CSTF3: variants seen among roughly 807,000 people sequenced by gnomAD.
CSTF3 encodes cleavage stimulation factor subunit 3, also known as CF-1 77 kDa subunit.
In CSTF3, 29 loss-of-function variants were observed where a neutral mutation model predicts 105.8. The ratio of observed to expected loss-of-function variants is 0.27; its 90% confidence interval spans 0.20 to 0.37. The LOEUF (loss-of-function observed/expected upper bound fraction) is 0.37. Ranked by LOEUF, CSTF3 falls within the 10% of genes least tolerant of loss-of-function variation. The pLI is 1.00. For synonymous variants in CSTF3, 252 were observed against 281.9 expected, an observed-to-expected ratio of 0.89 and a Z score of 1.06; for missense variants, 357 against 879.3, an observed-to-expected ratio of 0.41 and a Z score of 7.51.
intron 4 of CSTF3, 108 bp downstream of exon 4, chr11:33,108,278 A>G: frequency 9.4e-7 from 1 of 1,065,090 alleles, no homozygotes; most frequent in Non-Finnish European, 1.3e-6. Context: ...ACTTGTAAAA[A>G]ATCACTATCT....
chr11:33,152,613 C>CTATT (rs1330910908), intron 1 of CSTF3, among the ~76,000 whole-genome samples: 5 of 152,196 alleles, frequency 3.3e-5, no homozygotes, highest in African/African-American at 1.2e-4. Flanking sequence ...ACATGATGTA[C>CTATT]TATTCCAACT....
At chr11:33,142,759 A>G (rs923794344) in intron 1 of CSTF3, among the ~76,000 whole-genome samples, 9 of 152,218 alleles carry the variant, frequency 5.9e-5, no homozygotes, top group Admixed American at 5.9e-4. Context: ...AATAACTTAA[A>G]ATTCAGTAAT....
chr11:33,089,884 T>TAA (rs1456451319), intron 17 of CSTF3, among the ~76,000 whole-genome samples: 1 of 152,224 alleles, frequency 6.6e-6, no homozygotes, highest in African/African-American at 2.4e-5. Context: ...ACAGTGGTTT[T>TAA]ATCAGCAAGG....
At chr11:33,117,642 T>C (rs913379527) in intron 3 of CSTF3, among the ~76,000 whole-genome samples, 1 of 135,668 alleles carries the variant, frequency 7.4e-6, no homozygotes. Context: ...TTAACCACTA[T>C]ACTATACTGC....
At chr11:33,088,718 C>T (rs372376943) in intron 17 of CSTF3, among the ~76,000 whole-genome samples, 33 of 152,182 alleles carry the variant, frequency 2.2e-4, no homozygotes, top group African/African-American at 7.5e-4. Context: ...CTCCTGGGCT[C>T]ACCTTGGCCT....
At chr11:33,093,048 A>G (rs576619440) in intron 15 of CSTF3, among the ~76,000 whole-genome samples, 16 of 152,228 alleles carry the variant, frequency 1.1e-4, no homozygotes, top group Non-Finnish European at 1.9e-4. Flanking sequence ...CTGTACACCT[A>G]ATGGATGGAC....
chr11:33,120,883 T>A (rs907582775), intron 3 of CSTF3, among the ~76,000 whole-genome samples: 1 of 151,986 alleles, frequency 6.6e-6, no homozygotes, highest in East Asian at 1.9e-4. Context: ...ATAATCCTTG[T>A]TAAAATATTA....
At chr11:33,126,600 CATTT>C (rs1565012285) in intron 3 of CSTF3, among the ~76,000 whole-genome samples, 1 of 152,098 alleles carries the variant, frequency 6.6e-6, no homozygotes, top group Admixed American at 6.6e-5. Context: ...AAAATAAAGA[CATTT>C]TTTTAACCTG....
At chr11:33,127,171 A>G (rs1489534197) in intron 3 of CSTF3, among the ~76,000 whole-genome samples, 3 of 152,180 alleles carry the variant, frequency 2.0e-5, no homozygotes, top group African/African-American at 4.8e-5. Flanking sequence ...TAATATGTGG[A>G]TTATCTATCA....
rs755085684 is a variant in CSTF3, at chr11:33,099,053, GCAAAATAAAGAAGCATATTCTT to G, written c.1012_1033del (p.Lys338HisfsTer10). ...ACTTACCTCTTCATAATCTGCATATGCAAAATAAAGAAGCATATTCTTCTTCAATAAAGTGCTTATGGCTCTT... is the reference window on the plus strand; with the variant it reads ...ACTTACCTCTTCATAATCTGCATATGCTTCAATAAAGTGCTTATGGCTCTT... On this transcript the variant is annotated frameshift_variant, in exon 12 of 21. Transcript: ENST00000323959. LOFTEE classifies it high-confidence loss of function. The surrounding 1 kb of genome is among the most constrained non-coding windows in gnomAD (Gnocchi z 4.1). 6.4e-7 allele frequency: 1 copy of G among 1,572,660 alleles called. No homozygotes were observed. Among genetic ancestry groups the G allele is most frequent in the Non-Finnish European group, 8.5e-7 (1 of 1,170,778 alleles).
chr11:33,090,422 T>C (rs982386262), intron 17 of CSTF3, 110 bp downstream of exon 17: 8 of 662,436 alleles, frequency 1.2e-5, no homozygotes, highest in Non-Finnish European at 1.6e-5. Flanking sequence ...CCTGCAAATC[T>C]ATTCTAAAAC....
intron 1 of CSTF3, chr11:33,144,976 TTA>T: frequency 2.0e-5 from 3 of 150,880 alleles, no homozygotes; most frequent in Non-Finnish European, 4.2e-5. Flanking sequence ...GACCCTGTCT[TTA>T]AAAAAAAAAA....
At position 33,105,079 on chromosome 11, in the gene CSTF3, T is replaced by C. The variant is rs1855314763; in HGVS notation, c.585+488A>G. ...ACTTCCTTTTAATGCTAGAGCTTATTTGGCATGTGTATTTATGTATTCAGA... is the reference window on the plus strand; with the variant it reads ...ACTTCCTTTTAATGCTAGAGCTTATCTGGCATGTGTATTTATGTATTCAGA... On this transcript the variant is annotated intron_variant, in intron 8 of 20. Coordinates refer to ENST00000323959, the MANE Select transcript of CSTF3 (RefSeq NM_001326.3). Among the ~76,000 whole-genome samples, 3 of 152,194 alleles carry C rather than the reference T, an allele frequency of 2.0e-5. No individual in the cohort carries two copies. The South Asian group carries it at 6.2e-4, about 32-fold the overall frequency.
At chr11:33,096,083 T>C (rs1855220765) in intron 15 of CSTF3, among the ~76,000 whole-genome samples, 1 of 152,182 alleles carries the variant, frequency 6.6e-6, no homozygotes, top group South Asian at 2.1e-4. Flanking sequence ...CCACTACTGA[T>C]GGTACTTTAC....
At position 33,118,561 on chromosome 11, in the gene CSTF3, C is replaced by G. The variant is rs151136171; in HGVS notation, c.226-10143G>C. On this transcript the variant is annotated intron_variant, in intron 3 of 20. Transcript: ENST00000323959. ...AGTATCAAAATCACTAGTTAACATTCATGGCTCAATTGGTTTTGCTACTCT... is the reference window on the plus strand; with the variant it reads ...AGTATCAAAATCACTAGTTAACATTGATGGCTCAATTGGTTTTGCTACTCT... Among the ~76,000 whole-genome samples the G allele has an allele frequency of 8.1e-3, 1,235 of 151,924 alleles. 12 individuals carry two copies. Among genetic ancestry groups the G allele is most frequent in the Non-Finnish European group, 0.013 (855 of 67,784 alleles).
At chr11:33,126,930 G>A (rs1350537984) in intron 3 of CSTF3, among the ~76,000 whole-genome samples, 1 of 152,206 alleles carries the variant, frequency 6.6e-6, no homozygotes, top group Non-Finnish European at 1.5e-5. Flanking sequence ...GAGTTCTGCA[G>A]GGGATAGAAG....
chr11:33,123,211 TAG>T (rs1328917764), intron 3 of CSTF3, among the ~76,000 whole-genome samples: 1 of 149,552 alleles, frequency 6.7e-6, no homozygotes, highest in African/African-American at 2.4e-5. Context: ...AAAAATGGAC[TAG>T]AGAGATTAGT....
At chr11:33,101,064 C>G (rs904650485) in intron 10 of CSTF3, among the ~76,000 whole-genome samples, 1 of 152,154 alleles carries the variant, frequency 6.6e-6, no homozygotes, top group African/African-American at 2.4e-5. Context: ...CTTAAAAAGA[C>G]AGAACAACAC....
At chr11:33,106,765 A>C (rs1466204486) in intron 5 of CSTF3, among the ~76,000 whole-genome samples, 1 of 152,176 alleles carries the variant, frequency 6.6e-6, no homozygotes, top group African/African-American at 2.4e-5. Context: ...AATAAGGCTC[A>C]TGTCTTACTT....
Sources: gnomAD v4.1 joint callset for allele counts (sites outside exome capture counted in the v4.1 genomes callset) on GRCh38, gnomAD v4.1.1 for gene constraint, Gnocchi (gnomAD v3.1) non-coding constraint, MANE v1.5 for transcripts, NCBI Gene and HGNC (gene_info 2026-07-23, HGNC 2026-07-21) for gene names.